The following RPP40 variants were observed in gnomAD, a reference collection of about 807,000 sequenced individuals.
RPP40 encodes ribonuclease P protein subunit p40.
Under a neutral mutation model 42.5 loss-of-function variants are expected in RPP40, and 30 were observed. That is an observed-to-expected ratio of 0.71 (90% confidence interval 0.53 to 0.96). The LOEUF (loss-of-function observed/expected upper bound fraction) is 0.96. Among genes scored for constraint, RPP40 ranks in the 40% least tolerant of loss-of-function variants. RPP40 has a pLI of 0.00. For synonymous variants in RPP40, 173 were observed against 164.0 expected (o/e 1.05, Z -0.42); for missense variants, 426 against 433.5 (o/e 0.98, Z 0.15).
At chr6:4,998,010 C>T (rs532822153) in intron 5 of RPP40, among the ~76,000 whole-genome samples, 1 of 152,296 alleles carries the variant, frequency 6.6e-6, no homozygotes, top group South Asian at 2.1e-4. Context: ...GGAGAGGCAC[C>T]GAAGGCCAGA....
chr6:4,994,245 G>T (rs1035918785), downstream of RPP40, among the ~76,000 whole-genome samples: 9 of 126,704 alleles, frequency 7.1e-5, no homozygotes, highest in Non-Finnish European at 1.3e-4. Flanking sequence ...GGGGCCTGTT[G>T]TGGGGTGGGG....
In RPP40 at chr6:4,995,154, T is replaced by G; in HGVS notation, c.1016A>C (p.Tyr339Ser). ...CTGATTATTAAAAATCACAAAGTTATATAAATGTTCTCCTCCTTTTCGAAA... is the reference window on the plus strand; with the variant it reads ...CTGATTATTAAAAATCACAAAGTTAGATAAATGTTCTCCTCCTTTTCGAAA... Reference protein sequence around the residue: ...HGFRKGGEHLYNFVIFNNQDY... With the variant: ...HGFRKGGEHLSNFVIFNNQDY... Residue 339 changes from tyrosine (Y) to serine (S), a missense_variant, in exon 8 of 8, where the codon TAT (tyrosine) becomes TCT (serine). Transcript: ENST00000380051. 1 of 1,614,166 alleles carries G rather than the reference T, an allele frequency of 6.2e-7. No homozygotes were observed. Among genetic ancestry groups the G allele is most frequent in the Non-Finnish European group, 8.5e-7 (1 of 1,179,950 alleles).
intron 2 of RPP40, chr6:5,001,841 C>T (rs996561507): frequency 1.9e-4 from 63 of 331,652 alleles, no homozygotes; most frequent in Non-Finnish European, 2.6e-4. Context: ...CTCCATTAAT[C>T]CTCATTTTAA....
chr6:5,002,069 C>T (rs946217726), intron 2 of RPP40, 32 bp downstream of exon 2: 9 of 1,599,316 alleles, frequency 5.6e-6, no homozygotes, highest in Non-Finnish European at 6.8e-6. Context: ...CCTCATCCAG[C>T]CTTGTTCACA....
At chr6:4,991,150 C>A (rs1268631625), downstream of RPP40, among the ~76,000 whole-genome samples, 1 of 152,006 alleles carries the variant, frequency 6.6e-6, no homozygotes, top group Non-Finnish European at 1.5e-5. Context: ...TTCATTAAGT[C>A]CCACTTTGAC....
At chr6:4,995,885 C>A in intron 7 of RPP40, 66 bp downstream of exon 7, 5 of 1,493,846 alleles carry the variant, frequency 3.3e-6, no homozygotes, top group Non-Finnish European at 4.5e-6. Flanking sequence ...ATGAAAAAAT[C>A]TATACTATTC....
At chr6:5,003,816 C>T (rs1334033836) in intron 1 of RPP40, 64 bp downstream of exon 1, 3 of 1,560,850 alleles carry the variant, frequency 1.9e-6, no homozygotes, top group African/African-American at 1.4e-5. Flanking sequence ...TAGCACTCTC[C>T]CCAAACCTCT....
intron 4 of RPP40, among the ~76,000 whole-genome samples, chr6:4,999,590 C>T (rs1012475247): frequency 4.6e-5 from 7 of 152,156 alleles, no homozygotes; most frequent in African/African-American, 1.7e-4. Flanking sequence ...ATTTAATTGA[C>T]CAGTCCAAGT....
intron 7 of RPP40, among the ~76,000 whole-genome samples, chr6:4,995,669 G>A (rs558740549): frequency 2.0e-5 from 3 of 152,262 alleles, no homozygotes; most frequent in East Asian, 1.9e-4. Context: ...CCTTCCTATC[G>A]AAGAAAGTCA....
intron 5 of RPP40, among the ~76,000 whole-genome samples, chr6:4,997,168 T>C (rs560502130): frequency 6.6e-6 from 1 of 152,302 alleles, no homozygotes; most frequent in African/African-American, 2.4e-5. Flanking sequence ...ATTTTAGGTG[T>C]CAACCTGACT....
intron 7 of RPP40, 34 bp from the exon 8 acceptor site, chr6:4,995,310 A>C (rs762398316): frequency 6.7e-7 from 1 of 1,501,288 alleles, no homozygotes; most frequent in Non-Finnish European, 9.2e-7. Context: ...CAGAGTTTTA[A>C]AAGAGAGTTA....
At chr6:5,001,052 T>C (rs1159635497) in intron 2 of RPP40, 1 of 458,574 alleles carries the variant, frequency 2.2e-6, no homozygotes, top group South Asian at 1.5e-5. Context: ...TGTGCAAGTT[T>C]ACTATCATCA....
chr6:4,996,763 A>G (rs1328873411), intron 5 of RPP40, among the ~76,000 whole-genome samples: 1 of 152,248 alleles, frequency 6.6e-6, no homozygotes, highest in Non-Finnish European at 1.5e-5. Context: ...CTCCAGAGAG[A>G]AGGAGCTTAT....
At chr6:4,988,731 T>C in the RPP40 span, among the ~76,000 whole-genome samples, 70 of 152,338 alleles carry the variant, frequency 4.6e-4, no homozygotes, top group Admixed American at 1.4e-3. Context: ...CTGAAGGACA[T>C]TTGTTTTTTT....
rs1759332926 is a variant in RPP40 at position 4,995,183 on chromosome 6, A to G, written c.987T>C (p.His329=). The G allele has an allele frequency of 6.2e-7, 1 of 1,613,898 alleles. No homozygotes were observed. The highest frequency in any genetic ancestry group is 1.1e-5 in the South Asian group (1 of 91,086). Residue 329 remains histidine (H), a synonymous_variant, in exon 8 of 8, where the codon CAT becomes CAC. Coordinates refer to ENST00000380051, the MANE Select transcript of RPP40 (RefSeq NM_006638.4). ...DSPVSWEKNE[H]GFRKGGEHLY... is the part of the protein sequence containing the mutation. ...AATGTTCTCCTCCTTTTCGAAAACC[A>G]TGTTCATTTTTTTCCCAAGAAACAG...
rs773165374 is a variant in RPP40 at position 5,004,034 on chromosome 6, C to T, written c.-32G>A. 1.3e-6 allele frequency: 2 copies of T among 1,568,022 alleles called. No individual in the cohort carries two copies. Among genetic ancestry groups the T allele is most frequent in the East Asian group, 2.3e-5 (1 of 43,790 alleles). On this transcript the variant is annotated 5_prime_UTR_variant, in exon 1 of 8. Transcript: ENST00000380051. ...CTGGGTTCCTGGTCCTCCCGGCCTC[C>T]GCTGGCGGGGCACGCCCCGCCCCTT...
At chr6:4,999,406 C>G (rs1248830418) in intron 4 of RPP40, among the ~76,000 whole-genome samples, 1 of 147,538 alleles carries the variant, frequency 6.8e-6, no homozygotes, top group Non-Finnish European at 1.5e-5. Flanking sequence ...TCAAGCAATT[C>G]TCCTGCCTCA....
At position 4,996,247 on chromosome 6, in the gene RPP40, C is replaced by A. The variant is rs1407676089; in HGVS notation, c.733G>T (p.Gly245Cys). ...CRALELFDWL[G>C]AVFSNVDLNN... ...AGGTCGACATTACTGAAGACGGCGC[C>A]GAGCCAGTCGAAGAGCTCCAGAGCC... is the stretch of plus-strand genomic sequence containing the variant. Residue 245 changes from glycine (G) to cysteine (C), a missense_variant, in exon 6 of 8, where the codon GGC becomes TGC. By Grantham distance (159) the Gly-to-Cys change is radical. Coordinates refer to ENST00000380051, the MANE Select transcript of RPP40 (RefSeq NM_006638.4). 1.9e-6 allele frequency: 3 copies of A among 1,613,780 alleles called. No homozygotes were observed. The African/African-American group carries it at 4.0e-5, about 22-fold the overall frequency.
At chr6:4,992,780 T>C (rs1759278922), downstream of RPP40, among the ~76,000 whole-genome samples, 1 of 152,252 alleles carries the variant, frequency 6.6e-6, no homozygotes, top group Admixed American at 6.5e-5. Context: ...TTATTCCCTT[T>C]TACCTCTTTT....
Sources: allele counts gnomAD v4.1 joint callset (sites outside exome capture counted in the v4.1 genomes callset), GRCh38; gene constraint gnomAD v4.1.1; transcripts MANE v1.5; gene names NCBI Gene and HGNC (gene_info 2026-07-23, HGNC 2026-07-21).